The following PDE1A variants were observed in gnomAD, a reference collection of about 807,000 sequenced individuals.
PDE1A encodes dual specificity calcium/calmodulin-dependent 3',5'-cyclic nucleotide phosphodiesterase 1A.
A neutral mutation model predicts 61.7 loss-of-function variants in PDE1A; 35 were observed. The observed-to-expected ratio is 0.57, with a 90% CI of 0.43 to 0.75. PDE1A has a LOEUF of 0.75. PDE1A is among the 30% of genes least tolerant of loss of function. The pLI is 0.00. For synonymous variants in PDE1A, 232 were observed against 213.2 expected, an observed-to-expected ratio of 1.09 and a Z score of -0.77; for missense variants, 597 against 630.6, an observed-to-expected ratio of 0.95 and a Z score of 0.57.
upstream of PDE1A, among the ~76,000 whole-genome samples, chr2:182,428,460 A>G (rs1263441894): frequency 6.6e-6 from 1 of 152,138 alleles, no homozygotes; most frequent in Non-Finnish European, 1.5e-5. Context: ...ATTATGTATA[A>G]CATATTTATA....
chr2:182,633,870 G>T, the PDE1A span, among the ~76,000 whole-genome samples: 3 of 152,090 alleles, frequency 2.0e-5, no homozygotes, highest in African/African-American at 7.2e-5. Context: ...GATCCCATAA[G>T]CCCAGGAGTT....
chr2:182,239,012 T>G (rs2125683034), intron 3 of PDE1A, among the ~76,000 whole-genome samples: 1 of 152,310 alleles, frequency 6.6e-6, no homozygotes, highest in Middle Eastern at 3.4e-3. Flanking sequence ...GATTTTCTGA[T>G]GTACTATTTA....
At chr2:182,236,529 C>T (rs1690032770) in intron 3 of PDE1A, among the ~76,000 whole-genome samples, 2 of 152,130 alleles carry the variant, frequency 1.3e-5, no homozygotes, top group African/African-American at 2.4e-5. Context: ...CTTCATGGCA[C>T]AGAAAGGCAA....
chr2:182,571,573 T>C, the PDE1A span, among the ~76,000 whole-genome samples: 5 of 152,226 alleles, frequency 3.3e-5, no homozygotes, highest in Non-Finnish European at 7.4e-5. Flanking sequence ...AAGAACTGCT[T>C]ATTGCTGGAT....
the PDE1A span, among the ~76,000 whole-genome samples, chr2:182,554,390 G>A: frequency 2.0e-5 from 3 of 152,118 alleles, no homozygotes; most frequent in African/African-American, 4.8e-5. Context: ...GATTCTCAGG[G>A]CTTGAAAGTT....
intron 10 of PDE1A, among the ~76,000 whole-genome samples, chr2:182,195,718 G>T (rs1238219844): frequency 6.6e-6 from 1 of 152,040 alleles, no homozygotes; most frequent in East Asian, 1.9e-4. Flanking sequence ...TTGTAAAAGT[G>T]CTGTTTTCAC....
chr2:182,579,943 A>T, the PDE1A span, among the ~76,000 whole-genome samples: 1 of 152,206 alleles, frequency 6.6e-6, no homozygotes, highest in African/African-American at 2.4e-5. Context: ...CACATATTTC[A>T]CTATAGCTGA....
chr2:182,644,128 T>TAC, the PDE1A span, among the ~76,000 whole-genome samples: 1,622 of 129,486 alleles, frequency 0.013, 29 homozygotes, highest in South Asian at 0.052. Flanking sequence ...AATCAATGAT[T>TAC]ACACACACAC....
rs1444794341 is a variant in PDE1A, at chr2:182,422,840, A to AT, written c.53+3737dup. Among the ~76,000 whole-genome samples the AT allele has an allele frequency of 3.9e-5, 6 of 152,330 alleles. No homozygotes were observed. The East Asian group carries it at 9.6e-4, about 24-fold the overall frequency. On this transcript the variant is annotated intron_variant, in intron 1 of 13. Coordinates refer to ENST00000351439, the Ensembl canonical transcript of PDE1A. ...TATGAAGTGTTGATTCACATCTTGGATTTTAAAGATATATGTACAGTAATT... is the reference window on the plus strand; with the variant it reads ...TATGAAGTGTTGATTCACATCTTGGATTTTTAAAGATATATGTACAGTAATT...
At chr2:182,676,324 T>C in the PDE1A span, among the ~76,000 whole-genome samples, 1 of 151,892 alleles carries the variant, frequency 6.6e-6, no homozygotes, top group African/African-American at 2.4e-5. Flanking sequence ...GTGAGATGGA[T>C]AGATTTCTGG....
chr2:182,657,966 C>T, the PDE1A span, among the ~76,000 whole-genome samples: 1 of 149,826 alleles, frequency 6.7e-6, no homozygotes, highest in Non-Finnish European at 1.5e-5. Flanking sequence ...ATAATATCTA[C>T]CCTGCAAGGC....
intron 1 of PDE1A, among the ~76,000 whole-genome samples, chr2:182,363,881 G>C (rs1357095380): frequency 1.3e-5 from 2 of 151,978 alleles, no homozygotes; most frequent in Admixed American, 6.6e-5. Context: ...TAAGATTTTA[G>C]AGGCTCAGAA....
At chr2:182,179,753 A>C (rs1461561602) in intron 13 of PDE1A, among the ~76,000 whole-genome samples, 2 of 151,994 alleles carry the variant, frequency 1.3e-5, no homozygotes, top group African/African-American at 4.8e-5. Context: ...TTGAATTTCT[A>C]CTTTGTGCCA....
the PDE1A span, among the ~76,000 whole-genome samples, chr2:182,673,449 C>G: frequency 6.6e-6 from 1 of 152,012 alleles, no homozygotes; most frequent in African/African-American, 2.4e-5. Flanking sequence ...TGGTGTCTTC[C>G]TTTTAGTTCA....
At chr2:182,298,812 T>C (rs1238532915) in intron 1 of PDE1A, among the ~76,000 whole-genome samples, 1 of 152,082 alleles carries the variant, frequency 6.6e-6, no homozygotes, top group Non-Finnish European at 1.5e-5. Flanking sequence ...AGAATATGCC[T>C]GAGAAGAAGT....
rs138135948 is a variant in PDE1A at position 182,234,722 on chromosome 2, T to C, written c.351-224A>G. ...ATTCACAATCACCCTGCAAAATTAA[T>C]GTGACTTTAGTTTCCATGTAAAGAT... On this transcript the variant is annotated intron_variant, in intron 3 of 13. Transcript: ENST00000351439. Among the ~76,000 whole-genome samples, 93 of 152,314 alleles carry C rather than the reference T, an allele frequency of 6.1e-4. 2 individuals carry two copies. The East Asian group carries it at 0.017, about 28-fold the overall frequency.
intron 7 of PDE1A, among the ~76,000 whole-genome samples, chr2:182,211,906 T>A (rs753911325): frequency 6.6e-6 from 1 of 152,056 alleles, no homozygotes; most frequent in Non-Finnish European, 1.5e-5. Flanking sequence ...GGTCAATTCT[T>A]CCAGATTTTC....
chr2:182,701,271 G>A, the PDE1A span, among the ~76,000 whole-genome samples: 16 of 152,002 alleles, frequency 1.1e-4, no homozygotes, highest in Non-Finnish European at 1.2e-4. Flanking sequence ...TCCTGACCTC[G>A]TGATCCGCCC....
upstream of PDE1A, among the ~76,000 whole-genome samples, chr2:182,523,957 T>C (rs1364694029): frequency 6.6e-6 from 1 of 152,106 alleles, no homozygotes; most frequent in African/African-American, 2.4e-5. Flanking sequence ...GATTTGCAAA[T>C]TATAAGAGGG....
Sources: gnomAD v4.1 joint callset for allele counts (sites outside exome capture counted in the v4.1 genomes callset) on GRCh38, gnomAD v4.1.1 for gene constraint, MANE v1.5 for transcripts, NCBI Gene and HGNC (gene_info 2026-07-23, HGNC 2026-07-21) for gene names.